The following CREB3L1 variants were observed in gnomAD, a reference collection of about 807,000 sequenced individuals.
CREB3L1 encodes the protein cyclic AMP-responsive element-binding protein 3-like protein 1.
CREB3L1 carries 33 observed loss-of-function variants against 54.5 expected under a neutral mutation model. That is an observed-to-expected ratio of 0.61 (90% CI 0.46 to 0.81). The LOEUF is 0.81. Among genes scored for constraint, CREB3L1 ranks in the 30% least tolerant of loss-of-function variants. The probability of loss-of-function intolerance (pLI) is 0.00; values close to 1 mark genes in which losing one functional copy is unlikely to be tolerated. For missense variants in CREB3L1, 656 were observed against 673.3 expected (o/e 0.97, Z 0.29); for synonymous variants, 284 against 286.4 (o/e 0.99, Z 0.08).
intron 10 of CREB3L1, among the ~76,000 whole-genome samples, chr11:46,318,182 C>T (rs944007103): frequency 5.9e-5 from 9 of 151,442 alleles, no homozygotes; most frequent in African/African-American, 2.0e-4. Flanking sequence ...CACGCCACTG[C>T]AGTCCAGCCT....
At chr11:46,312,705 C>T (rs1406442185) in intron 7 of CREB3L1, 35 bp downstream of exon 7, 2 of 1,587,930 alleles carry the variant, frequency 1.3e-6, no homozygotes, top group East Asian at 2.3e-5. Context: ...AATCCACTCC[C>T]TTGCCTGACC....
chr11:46,284,051 G>A (rs574610319), intron 1 of CREB3L1, among the ~76,000 whole-genome samples: 1 of 152,246 alleles, frequency 6.6e-6, no homozygotes, highest in East Asian at 1.9e-4. Flanking sequence ...GGACCAGCTG[G>A]GAATTCACTT....
At chr11:46,303,304 A>G (rs1566186754) in intron 2 of CREB3L1, among the ~76,000 whole-genome samples, 3 of 152,174 alleles carry the variant, frequency 2.0e-5, no homozygotes, top group Admixed American at 2.0e-4. Flanking sequence ...AAAAATATAT[A>G]TATACAAAAT....
intron 4 of CREB3L1, 56 bp from the exon 5 acceptor site, chr11:46,310,976 G>C (rs946852280): frequency 2.4e-5 from 36 of 1,506,182 alleles, no homozygotes; most frequent in Non-Finnish European, 3.2e-5. Context: ...AACTCATGAT[G>C]TCCAAGTGGA....
chr11:46,303,549 C>A (rs1939332839), intron 2 of CREB3L1, among the ~76,000 whole-genome samples: 1 of 152,084 alleles, frequency 6.6e-6, no homozygotes. Flanking sequence ...GAGGCTGAAG[C>A]AGGAGAATCG....
At chr11:46,318,790 G>A (rs910102489) in intron 10 of CREB3L1, among the ~76,000 whole-genome samples, 4 of 152,204 alleles carry the variant, frequency 2.6e-5, no homozygotes, top group Admixed American at 6.5e-5. Flanking sequence ...TGGGAGGTCA[G>A]AGGAGGGAAG....
intron 2 of CREB3L1, among the ~76,000 whole-genome samples, chr11:46,305,761 G>A (rs1225697602): frequency 1.5e-5 from 2 of 134,924 alleles, no homozygotes; most frequent in African/African-American, 2.7e-5. Flanking sequence ...TTTTTAAGAC[G>A]GAGTCTCGCT....
intron 1 of CREB3L1, among the ~76,000 whole-genome samples, chr11:46,290,062 A>C (rs1176510597): frequency 6.6e-6 from 1 of 152,130 alleles, no homozygotes; most frequent in Non-Finnish European, 1.5e-5. Context: ...GATTTCTACT[A>C]TTCAGTGCCC....
intron 1 of CREB3L1, among the ~76,000 whole-genome samples, chr11:46,294,602 G>C (rs1403688485): frequency 1.3e-5 from 2 of 152,232 alleles, no homozygotes; most frequent in Non-Finnish European, 1.5e-5. Flanking sequence ...GGCGGCTTTA[G>C]CTCTGGGAAG....
Position 46,278,258 on chromosome 11 carries a change from T to G in CREB3L1, c.102+45T>G, listed in dbSNP as rs1442773204. On this transcript the variant is annotated intron_variant, in intron 1 of 11. Coordinates refer to ENST00000621158, the MANE Select transcript of CREB3L1 (RefSeq NM_052854.4). This position sits in a 1 kb window ranked among gnomAD's most constrained non-coding sequence, Gnocchi z 4.2. ...TTCCCGTTCCACCCCTCGGCACCCG[T>G]CCTCGCGGCGCGCCTGGGCCCCTAG... 7.4e-7 allele frequency: 1 copy of G among 1,343,770 alleles called. No individual in the cohort carries two copies. 83.2% of individuals were successfully genotyped at this position (1,343,770 alleles called of 1,614,324 possible). A position where few individuals can be genotyped will look rare whatever the true frequency, so the allele number is the denominator to read the frequency against.
chr11:46,317,855 C>G lies in CREB3L1; in HGVS notation c.1258+368C>G, dbSNP rs768158654. On this transcript the variant is annotated intron_variant, in intron 10 of 11. Transcript: ENST00000621158. The stretch of plus-strand genomic sequence containing the variant: ...CACCATCAGTATCTCATGATAGGGA[C>G]AGCAAGTGAGTTTCAGCTCAAAAGC... Among the ~76,000 whole-genome samples the G allele has an allele frequency of 6.2e-4, 95 of 152,258 alleles. 1 individual carries two copies. The highest frequency in any genetic ancestry group is 3.1e-4 in the Non-Finnish European group (21 of 68,012).
intron 8 of CREB3L1, among the ~76,000 whole-genome samples, chr11:46,314,759 G>A (rs1179911586): frequency 6.6e-6 from 1 of 150,626 alleles, no homozygotes; most frequent in Non-Finnish European, 1.5e-5. Context: ...CCAGGCTGGA[G>A]TGCAGTGGCA....
intron 1 of CREB3L1, among the ~76,000 whole-genome samples, chr11:46,286,744 C>A (rs1188240102): frequency 6.6e-6 from 1 of 152,114 alleles, no homozygotes; most frequent in Non-Finnish European, 1.5e-5. Flanking sequence ...GAGATTGAAC[C>A]ACTGCACTCC....
At chr11:46,293,369 G>A (rs1939158372) in intron 1 of CREB3L1, among the ~76,000 whole-genome samples, 2 of 152,220 alleles carry the variant, frequency 1.3e-5, no homozygotes, top group South Asian at 4.1e-4. Flanking sequence ...GCCCACCCCA[G>A]GGTTGGACCA....
intron 2 of CREB3L1, among the ~76,000 whole-genome samples, chr11:46,306,482 C>T (rs1353311733): frequency 1.4e-4 from 21 of 149,422 alleles, no homozygotes; most frequent in Admixed American, 1.3e-3. Flanking sequence ...CCAGCCTGGG[C>T]GAATGAGTGA....
At chr11:46,287,668 G>C (rs761201851) in intron 1 of CREB3L1, among the ~76,000 whole-genome samples, 7 of 152,028 alleles carry the variant, frequency 4.6e-5, no homozygotes, top group Admixed American at 1.3e-4. Flanking sequence ...TTTGGTACAG[G>C]CATGTAATAC....
intron 8 of CREB3L1, among the ~76,000 whole-genome samples, chr11:46,314,537 T>C (rs935159651): frequency 6.6e-6 from 1 of 151,952 alleles, no homozygotes; most frequent in Non-Finnish European, 1.5e-5. Context: ...CCACCACCCC[T>C]GGCTAATTTT....
chr11:46,313,942 C>T (rs900296904), intron 8 of CREB3L1, among the ~76,000 whole-genome samples: 1 of 152,068 alleles, frequency 6.6e-6, no homozygotes, highest in African/African-American at 2.4e-5. Context: ...ATGATAGAAA[C>T]ATTATCTCAT....
Position 46,308,056 on chromosome 11 carries a change from G to C in CREB3L1, c.516+56G>C, listed in dbSNP as rs555526775. The C allele has an allele frequency of 1.8e-4, 258 of 1,394,674 alleles. 1 individual carries two copies. The African/African-American group carries it at 3.5e-3, about 19-fold the overall frequency. The allele number at this position is 1,394,674 out of a possible 1,614,324, so 86.4% of individuals were successfully genotyped here. A position where few individuals can be genotyped will look rare whatever the true frequency, so the allele number is the denominator to read the frequency against. ...GGGAGGGAGGAGGGCTGGTGGGTCT[G>C]TGGGAAGAGGTGCCCAAAGCCCTGT... On this transcript the variant is annotated intron_variant, in intron 3 of 11. Transcript: ENST00000621158.
Sources: allele counts gnomAD v4.1 joint callset (sites outside exome capture counted in the v4.1 genomes callset), GRCh38; gene constraint gnomAD v4.1.1; non-coding constraint Gnocchi (gnomAD v3.1); transcripts MANE v1.5; gene names NCBI Gene and HGNC (gene_info 2026-07-23, HGNC 2026-07-21).